The following CBFA2T2 variants were observed in gnomAD, a reference collection of about 807,000 sequenced individuals.
The protein encoded by CBFA2T2 is protein CBFA2T2.
A neutral mutation model predicts 62.2 loss-of-function variants in CBFA2T2; 11 were observed. That is an observed-to-expected ratio of 0.18 (90% CI 0.11 to 0.29). The LOEUF is 0.29. CBFA2T2 is among the 10% of genes least tolerant of loss of function. The probability of loss-of-function intolerance (pLI) is 1.00; values close to 1 mark genes in which losing one functional copy is unlikely to be tolerated. For missense variants in CBFA2T2, 592 were observed against 774.1 expected, an observed-to-expected ratio of 0.76 and a Z score of 2.79; for synonymous variants, 295 against 287.5, an observed-to-expected ratio of 1.03 and a Z score of -0.27.
At chr20:33,608,953 G>T (rs2015429351) in intron 2 of CBFA2T2, among the ~76,000 whole-genome samples, 1 of 152,126 alleles carries the variant, frequency 6.6e-6, no homozygotes, top group Admixed American at 6.6e-5. Flanking sequence ...GAGGTTGAGT[G>T]TTCAACTTTC....
intron 5 of CBFA2T2, chr20:33,624,043 G>C (rs1055155): frequency 7.5e-6 from 4 of 536,878 alleles, no homozygotes; most frequent in Admixed American, 7.3e-5. Flanking sequence ...ATTTTTTTCT[G>C]ATCTGAGAAG....
chr20:33,603,932 C>T (rs765391972), intron 1 of CBFA2T2, among the ~76,000 whole-genome samples: 15 of 152,134 alleles, frequency 9.9e-5, no homozygotes, highest in Non-Finnish European at 2.1e-4. Context: ...GGTTAAAATG[C>T]CTACTTTGGA....
chr20:33,536,078 C>T (rs1193079081), intron 1 of CBFA2T2, among the ~76,000 whole-genome samples: 1 of 152,242 alleles, frequency 6.6e-6, no homozygotes, highest in East Asian at 1.9e-4. Flanking sequence ...TCTTTCTACA[C>T]AGACACGGCA....
At chr20:33,535,920 C>T (rs530611020) in intron 1 of CBFA2T2, among the ~76,000 whole-genome samples, 8 of 152,282 alleles carry the variant, frequency 5.3e-5, no homozygotes, top group African/African-American at 1.9e-4. Flanking sequence ...GCACATCTTG[C>T]ACCGCCCTTA....
At chr20:33,531,444 A>T (rs1330158345) in intron 1 of CBFA2T2, among the ~76,000 whole-genome samples, 1 of 152,152 alleles carries the variant, frequency 6.6e-6, no homozygotes, top group African/African-American at 2.4e-5. Flanking sequence ...TTTGAAATGC[A>T]TTTTTGTTGG....
intron 1 of CBFA2T2, among the ~76,000 whole-genome samples, chr20:33,586,337 G>A (rs1363957710): frequency 6.6e-6 from 1 of 152,016 alleles, no homozygotes; most frequent in Non-Finnish European, 1.5e-5. Flanking sequence ...GGGTTTCACT[G>A]TGTTGTTCAG....
At chr20:33,528,386 ATGT>A (rs1486074914) in intron 1 of CBFA2T2, among the ~76,000 whole-genome samples, 2 of 152,210 alleles carry the variant, frequency 1.3e-5, no homozygotes, top group African/African-American at 4.8e-5. Flanking sequence ...CATGTGGAAA[ATGT>A]TGTCTGAATC....
chr20:33,598,380 C>T (rs1358415521), intron 1 of CBFA2T2, among the ~76,000 whole-genome samples: 2 of 152,082 alleles, frequency 1.3e-5, no homozygotes, highest in African/African-American at 2.4e-5. Context: ...CATCCAGGCG[C>T]GTATTCTCTT....
rs1196003433 is a variant in CBFA2T2 at position 33,514,206 on chromosome 20, G to GTTTTT, written c.34+23927_34+23931dup. ...GCGTGAGCCACCGTGCCCTGCCTTT[G>GTTTTT]TTTTTTTTTTTTTTTTTTTTTTTTT... On this transcript the variant is annotated intron_variant, in intron 1 of 10. Coordinates refer to ENST00000342704, the MANE Select transcript of CBFA2T2 (RefSeq NM_001032999.3). 2.2e-4 allele frequency among the ~76,000 whole-genome samples: 12 copies of GTTTTT among 53,348 alleles called. 2 individuals are homozygous for GTTTTT. The highest frequency in any genetic ancestry group is 7.7e-4 in the South Asian group (1 of 1,302). 35.0% of individuals were successfully genotyped at this position (53,348 alleles called of 152,430 possible). A position where few individuals can be genotyped will look rare whatever the true frequency, so the allele number is the denominator to read the frequency against.
chr20:33,502,492 C>T (rs1437345666), intron 1 of CBFA2T2, among the ~76,000 whole-genome samples: 2 of 151,778 alleles, frequency 1.3e-5, no homozygotes, highest in African/African-American at 4.8e-5. Context: ...CTGCAAGCTC[C>T]GCCTCCCGGG....
chr20:33,611,296 G>T lies in CBFA2T2; in HGVS notation c.381G>T (p.Glu127Asp). 2 of 1,614,118 alleles carry T rather than the reference G, an allele frequency of 1.2e-6. No individual in the cohort carries two copies. The highest frequency in any genetic ancestry group is 1.7e-6 in the Non-Finnish European group (2 of 1,179,952). ...AGTTTGGCAATGACATCTCCCCTGA[G>T]ATTGGGGAGAAGGTGCGGACTCTTG... is the stretch of plus-strand genomic sequence containing the variant. ...LQQFGNDISP[E>D]IGEKVRTLVL... Residue 127 changes from glutamate to aspartate, a missense_variant, in exon 3 of 11, where the codon GAG becomes GAT. Transcript: ENST00000342704.
chr20:33,545,915 A>G (rs1264729275), intron 1 of CBFA2T2, among the ~76,000 whole-genome samples: 2 of 152,370 alleles, frequency 1.3e-5, no homozygotes, highest in African/African-American at 2.4e-5. Context: ...AGGAAATATG[A>G]TTAGACTTAG....
intron 8 of CBFA2T2, among the ~76,000 whole-genome samples, chr20:33,631,317 AAAAC>A (rs1310753359): frequency 6.6e-6 from 1 of 152,186 alleles, no homozygotes; most frequent in Admixed American, 6.5e-5. Context: ...CCATCTCAAA[AAAAC>A]AAACAAAAAA....
intron 1 of CBFA2T2, among the ~76,000 whole-genome samples, chr20:33,584,348 C>T (rs2146917728): frequency 6.6e-6 from 1 of 151,480 alleles, no homozygotes; most frequent in African/African-American, 2.4e-5. Flanking sequence ...TCACTGCAAG[C>T]TCCACCTCCC....
chr20:33,612,959 T>G (rs2015581729), intron 3 of CBFA2T2, among the ~76,000 whole-genome samples: 1 of 152,190 alleles, frequency 6.6e-6, no homozygotes, highest in Non-Finnish European at 1.5e-5. Context: ...TGGTGGCATA[T>G]GCCTGTGGTC....
intron 1 of CBFA2T2, among the ~76,000 whole-genome samples, chr20:33,561,190 C>T (rs537412047): frequency 2.0e-5 from 3 of 152,086 alleles, no homozygotes; most frequent in Non-Finnish European, 4.4e-5. Context: ...TTTTTCTTTT[C>T]TTTTTTAAAG....
chr20:33,550,003 A>G (rs779105986), intron 1 of CBFA2T2, among the ~76,000 whole-genome samples: 1 of 152,092 alleles, frequency 6.6e-6, no homozygotes, highest in South Asian at 2.1e-4. Context: ...AAGTTTATAA[A>G]ATAGGGTTCA....
intron 1 of CBFA2T2, among the ~76,000 whole-genome samples, chr20:33,574,789 T>A (rs764078326): frequency 3.3e-5 from 5 of 152,150 alleles, no homozygotes; most frequent in Non-Finnish European, 7.3e-5. Flanking sequence ...GGGGAAGGTC[T>A]AAGCTTTGTC....
At chr20:33,546,749 C>T (rs2012582269) in intron 1 of CBFA2T2, among the ~76,000 whole-genome samples, 1 of 152,088 alleles carries the variant, frequency 6.6e-6, no homozygotes, top group South Asian at 2.1e-4. Context: ...CCTGCCTCAG[C>T]TTCCTAAAGT....
Sources: allele counts gnomAD v4.1 joint callset (sites outside exome capture counted in the v4.1 genomes callset), GRCh38; gene constraint gnomAD v4.1.1; transcripts MANE v1.5; gene names NCBI Gene and HGNC (gene_info 2026-07-23, HGNC 2026-07-21).